The following CATSPERE variants were observed in gnomAD, a reference collection of about 807,000 sequenced individuals.
The protein encoded by CATSPERE is catsper channel auxiliary subunit epsilon, also known as cation channel sperm-associated auxiliary subunit epsilon.
Under a neutral mutation model 114.1 loss-of-function variants are expected in CATSPERE, and 93 were observed. The observed-to-expected ratio is 0.81, with a 90% confidence interval of 0.69 to 0.97. CATSPERE has a LOEUF of 0.97. Among genes scored for constraint, CATSPERE ranks in the 50% least tolerant of loss-of-function variants. The pLI, the probability that CATSPERE is intolerant of heterozygous loss-of-function variation, is 0.00. For missense variants in CATSPERE, 1,058 were observed against 1,131.6 expected (o/e 0.93, Z 0.93); for synonymous variants, 341 against 384.1 (o/e 0.89, Z 1.31).
intron 8 of CATSPERE, among the ~76,000 whole-genome samples, chr1:244,545,563 A>G (rs1285156634): frequency 1.3e-5 from 2 of 152,150 alleles, no homozygotes; most frequent in African/African-American, 2.4e-5. Flanking sequence ...CTCCTTTTGT[A>G]TTTTGGAGAA....
At chr1:244,623,497 G>T (rs1014848353) in intron 20 of CATSPERE, among the ~76,000 whole-genome samples, 3 of 152,134 alleles carry the variant, frequency 2.0e-5, no homozygotes, top group Non-Finnish European at 4.4e-5. Context: ...TTGTAGAAAA[G>T]GCAAATTCAA....
chr1:244,543,604 A>G (rs1659228000), intron 8 of CATSPERE, among the ~76,000 whole-genome samples: 1 of 146,134 alleles, frequency 6.8e-6, no homozygotes, highest in Non-Finnish European at 1.5e-5. Context: ...AGTAATATAT[A>G]TGTATTTTAT....
chr1:244,546,550 A>G (rs762407917), intron 8 of CATSPERE, among the ~76,000 whole-genome samples: 6 of 152,252 alleles, frequency 3.9e-5, no homozygotes, highest in Non-Finnish European at 2.9e-5. Flanking sequence ...AACTGTTTTA[A>G]GGAAGCTCAG....
At chr1:244,583,611 C>T (rs1333024605) in intron 12 of CATSPERE, among the ~76,000 whole-genome samples, 1 of 152,088 alleles carries the variant, frequency 6.6e-6, no homozygotes, top group Non-Finnish European at 1.5e-5. Flanking sequence ...TGCTTCCCAT[C>T]GCATTAACCC....
At chr1:244,468,345 G>A (rs764888484) in intron 2 of CATSPERE, among the ~76,000 whole-genome samples, 1 of 152,020 alleles carries the variant, frequency 6.6e-6, no homozygotes, top group Non-Finnish European at 1.5e-5. Flanking sequence ...GCCCAGCTTG[G>A]CCTCCCAAAG....
intron 19 of CATSPERE, among the ~76,000 whole-genome samples, chr1:244,610,895 G>C (rs1670637602): frequency 6.6e-6 from 1 of 151,936 alleles, no homozygotes; most frequent in Admixed American, 6.6e-5. Flanking sequence ...TGAGTAGCTG[G>C]GACTACAGGC....
intron 21 of CATSPERE, 22 bp from the exon 22 acceptor site, chr1:244,639,906 T>A (rs1206793565): frequency 2.1e-5 from 11 of 519,500 alleles, no homozygotes; most frequent in Non-Finnish European, 1.9e-5. Context: ...CTAATGCCTT[T>A]TTTTTTTTTT....
At chr1:244,532,640 T>A (rs554072148) in intron 8 of CATSPERE, among the ~76,000 whole-genome samples, 1 of 152,216 alleles carries the variant, frequency 6.6e-6, no homozygotes, top group African/African-American at 2.4e-5. Context: ...AGGAGCGTAT[T>A]GTTTAAATTT....
chr1:244,518,919 C>A (rs1677076883), intron 8 of CATSPERE, among the ~76,000 whole-genome samples: 1 of 152,052 alleles, frequency 6.6e-6, no homozygotes, highest in Non-Finnish European at 1.5e-5. Flanking sequence ...ATCCTCAATC[C>A]AAGAGCCTCA....
At chr1:244,570,886 T>G (rs1268700790) in intron 10 of CATSPERE, among the ~76,000 whole-genome samples, 1 of 151,992 alleles carries the variant, frequency 6.6e-6, no homozygotes, top group African/African-American at 2.4e-5. Context: ...GATGTGGAGG[T>G]AGGAAAGAAC....
intron 10 of CATSPERE, among the ~76,000 whole-genome samples, chr1:244,565,827 C>CT (rs1269264687): frequency 1.3e-5 from 2 of 152,246 alleles, no homozygotes; most frequent in African/African-American, 2.4e-5. Flanking sequence ...TTTCGTGTCT[C>CT]TATCTCCTTC....
intron 1 of CATSPERE, among the ~76,000 whole-genome samples, chr1:244,455,472 C>T (rs1337096207): frequency 6.7e-6 from 1 of 149,440 alleles, no homozygotes; most frequent in African/African-American, 2.5e-5. Flanking sequence ...GGCCGCTTGG[C>T]GTGGCTAAAG....
chr1:244,457,848 G>A (rs73129748), upstream of CATSPERE, among the ~76,000 whole-genome samples: 2,709 of 152,170 alleles, frequency 0.018, 78 homozygotes, highest in African/African-American at 0.061. Flanking sequence ...ATATAAAATG[G>A]TGTTCAGCTT....
chr1:244,496,573 T>A (rs975968237), intron 6 of CATSPERE, among the ~76,000 whole-genome samples: 5 of 152,326 alleles, frequency 3.3e-5, no homozygotes, highest in Admixed American at 6.5e-5. Flanking sequence ...TAACATGCAT[T>A]ATACCTATAT....
intron 14 of CATSPERE, among the ~76,000 whole-genome samples, chr1:244,590,616 C>A (rs557081634): frequency 1.3e-5 from 2 of 152,324 alleles, no homozygotes; most frequent in African/African-American, 4.8e-5. Flanking sequence ...CAGCCCCTGG[C>A]AACCATAATC....
In CATSPERE at chr1:244,575,729, T is replaced by G. The variant is rs529075329; in HGVS notation, c.1950+2957T>G. Among the ~76,000 whole-genome samples the G allele has an allele frequency of 6.6e-6, 1 of 152,208 alleles. No individual in the cohort carries two copies. The highest frequency in any genetic ancestry group is 2.4e-5 in the African/African-American group (1 of 41,538). On this transcript the variant is annotated intron_variant, in intron 11 of 21. Transcript: ENST00000366534. The surrounding 1 kb of genome is among the most constrained non-coding windows in gnomAD (Gnocchi z 4.5). ...CCTTGCCTCTGCCAGCCGCCTACGCTGCTGTTCTCCCCTCTCCTTCCCTTT... is the reference window on the plus strand; with the variant it reads ...CCTTGCCTCTGCCAGCCGCCTACGCGGCTGTTCTCCCCTCTCCTTCCCTTT...
rs187370876 is a variant in CATSPERE, at chr1:244,571,912, A to G, written c.1508-418A>G. Among the ~76,000 whole-genome samples the G allele has an allele frequency of 7.9e-4, 120 of 151,976 alleles. 1 individual carries two copies. The highest frequency in any genetic ancestry group is 1.7e-3 in the Admixed American group (26 of 15,258). ...GACCCCCTGCTTCTTAGCCCATTTT[A>G]CCTTAATTACCTCCTAAAGGCCCTG... On this transcript the variant is annotated intron_variant, in intron 10 of 21. Coordinates refer to ENST00000366534, the MANE Select transcript of CATSPERE (RefSeq NM_001130957.2).
intron 20 of CATSPERE, among the ~76,000 whole-genome samples, chr1:244,624,646 C>A (rs1558617410): frequency 6.6e-6 from 1 of 151,700 alleles, no homozygotes; most frequent in Non-Finnish European, 1.5e-5. Flanking sequence ...GCTAAAAATA[C>A]AAAAAGTTAG....
At chr1:244,613,466 A>T (rs1330558336) in intron 19 of CATSPERE, among the ~76,000 whole-genome samples, 2 of 151,724 alleles carry the variant, frequency 1.3e-5, no homozygotes, top group African/African-American at 4.9e-5. Flanking sequence ...TTTTAAATTA[A>T]ATATAATCAA....
Sources: gnomAD v4.1 joint callset for allele counts (sites outside exome capture counted in the v4.1 genomes callset) on GRCh38, gnomAD v4.1.1 for gene constraint, Gnocchi (gnomAD v3.1) non-coding constraint, MANE v1.5 for transcripts, NCBI Gene and HGNC (gene_info 2026-07-23, HGNC 2026-07-21) for gene names.